The following PLA2G4A variants were observed in gnomAD, a reference collection of about 807,000 sequenced individuals.
PLA2G4A encodes the protein phospholipase A2 group IVA.
A neutral mutation model predicts 81.9 loss-of-function variants in PLA2G4A; 40 were observed. The ratio of observed to expected loss-of-function variants is 0.49; its 90% CI spans 0.38 to 0.64. The LOEUF (loss-of-function observed/expected upper bound fraction) is 0.64, where lower values mean the gene tolerates loss of function less well. Among genes scored for constraint, PLA2G4A ranks in the 30% least tolerant of loss-of-function variants. The pLI, the probability that PLA2G4A is intolerant of heterozygous loss-of-function variation, is 0.00. For missense variants in PLA2G4A, 715 were observed against 905.1 expected, an observed-to-expected ratio of 0.79 and a Z score of 2.69; for synonymous variants, 302 against 296.9, an observed-to-expected ratio of 1.02 and a Z score of -0.18.
chr1:186,895,421 C>T (rs530147093), intron 5 of PLA2G4A, among the ~76,000 whole-genome samples: 1 of 152,346 alleles, frequency 6.6e-6, no homozygotes, highest in South Asian at 2.1e-4. Context: ...GATGCACTCA[C>T]CACAATTCTG....
intron 1 of PLA2G4A, among the ~76,000 whole-genome samples, chr1:186,848,129 C>G (rs947799759): frequency 6.6e-6 from 1 of 152,080 alleles, no homozygotes; most frequent in Non-Finnish European, 1.5e-5. Context: ...AAGCCCCCAG[C>G]TGGAGTAGAG....
At chr1:186,934,463 T>TATACACAC (rs368585350) in intron 8 of PLA2G4A, among the ~76,000 whole-genome samples, 102 of 143,514 alleles carry the variant, frequency 7.1e-4, no homozygotes, top group African/African-American at 2.3e-3. Flanking sequence ...TATATATATA[T>TATACACAC]ACATACACAG....
At chr1:186,922,491 C>G (rs532163944) in intron 7 of PLA2G4A, among the ~76,000 whole-genome samples, 7 of 152,268 alleles carry the variant, frequency 4.6e-5, no homozygotes, top group Non-Finnish European at 8.8e-5. Context: ...GGGCCTGCCA[C>G]GCGCTGCTCT....
intron 2 of PLA2G4A, among the ~76,000 whole-genome samples, chr1:186,864,953 A>G (rs1165129219): frequency 1.3e-5 from 2 of 151,300 alleles, no homozygotes; most frequent in African/African-American, 4.8e-5. Context: ...AAAAACAAAA[A>G]TTAGCTGGGT....
rs139491875 is a variant in PLA2G4A, at chr1:186,907,542, G to A, written c.416+540G>A. On this transcript the variant is annotated intron_variant, in intron 6 of 17. Transcript: ENST00000367466. ...AATCATGTACTTATTTTCAAACGGC[G>A]AATTTTAGGGTAGGCAAGTCTGCCT... Among the ~76,000 whole-genome samples, 5 of 152,288 alleles carry A rather than the reference G, an allele frequency of 3.3e-5. No homozygotes were observed. In the East Asian group the frequency reaches 5.8e-4, roughly 18 times the overall value.
chr1:186,831,454 G>A (rs941448926), intron 1 of PLA2G4A, among the ~76,000 whole-genome samples: 4 of 152,026 alleles, frequency 2.6e-5, no homozygotes, highest in Admixed American at 6.6e-5. Flanking sequence ...ACAATATTAC[G>A]CTTGACATTT....
chr1:186,837,144 A>G (rs1428534959), intron 1 of PLA2G4A, among the ~76,000 whole-genome samples: 3 of 152,164 alleles, frequency 2.0e-5, no homozygotes, highest in Non-Finnish European at 4.4e-5. Flanking sequence ...GAATAAGATG[A>G]CGACGGAAAA....
chr1:186,850,463 G>T (rs905065257), intron 1 of PLA2G4A, among the ~76,000 whole-genome samples: 4 of 152,064 alleles, frequency 2.6e-5, no homozygotes, highest in African/African-American at 9.7e-5. Context: ...GAAAAATCAG[G>T]CTAGCCTGCA....
chr1:186,945,218 T>G (rs953401844), intron 10 of PLA2G4A, among the ~76,000 whole-genome samples: 1 of 152,118 alleles, frequency 6.6e-6, no homozygotes, highest in African/African-American at 2.4e-5. Flanking sequence ...GGGAATGAAC[T>G]TGACTTCTTT....
At chr1:186,872,528 T>A (rs1283961974) in intron 3 of PLA2G4A, among the ~76,000 whole-genome samples, 3 of 152,042 alleles carry the variant, frequency 2.0e-5, no homozygotes, top group Admixed American at 6.6e-5. Flanking sequence ...CCCTTTTTTT[T>A]AATCAATGAA....
At chr1:186,883,386 C>T (rs1653809514) in intron 3 of PLA2G4A, among the ~76,000 whole-genome samples, 1 of 152,088 alleles carries the variant, frequency 6.6e-6, no homozygotes, top group South Asian at 2.1e-4. Context: ...TTGTAGCTGC[C>T]ATTTAAACCT....
chr1:186,933,015 A>C (rs529201170), intron 8 of PLA2G4A, 116 bp downstream of exon 8: 5 of 791,310 alleles, frequency 6.3e-6, no homozygotes, highest in Non-Finnish European at 1.1e-5. Context: ...TAAATTACTG[A>C]AACTTTCCAG....
At chr1:186,846,067 A>C (rs1652162167) in intron 1 of PLA2G4A, among the ~76,000 whole-genome samples, 1 of 152,222 alleles carries the variant, frequency 6.6e-6, no homozygotes, top group African/African-American at 2.4e-5. Flanking sequence ...ATGAGTATTC[A>C]TGAGAGTGGT....
At chr1:186,944,723 C>T (rs1190849666) in intron 10 of PLA2G4A, among the ~76,000 whole-genome samples, 1 of 152,050 alleles carries the variant, frequency 6.6e-6, no homozygotes, top group Non-Finnish European at 1.5e-5. Context: ...TTTTCCAAAC[C>T]TTTGGTGACA....
chr1:186,870,952 T>C (rs1232478182), intron 3 of PLA2G4A, among the ~76,000 whole-genome samples: 1 of 152,206 alleles, frequency 6.6e-6, no homozygotes, highest in Non-Finnish European at 1.5e-5. Context: ...CCGAGATCAC[T>C]TGGAGTCAGA....
intron 7 of PLA2G4A, among the ~76,000 whole-genome samples, chr1:186,931,656 T>C (rs1013253362): frequency 6.6e-6 from 1 of 152,060 alleles, no homozygotes; most frequent in Non-Finnish European, 1.5e-5. Context: ...CTATATCTTA[T>C]GACTATACAA....
At chr1:186,947,875 C>G (rs1656398935) in intron 12 of PLA2G4A, among the ~76,000 whole-genome samples, 1 of 152,110 alleles carries the variant, frequency 6.6e-6, no homozygotes, top group African/African-American at 2.4e-5. Flanking sequence ...ACATTGATGA[C>G]TTTTTAAATA....
chr1:186,970,735 C>G (rs1172844277), intron 15 of PLA2G4A, among the ~76,000 whole-genome samples: 2 of 151,924 alleles, frequency 1.3e-5, no homozygotes, highest in Non-Finnish European at 2.9e-5. Context: ...GGATTTATTT[C>G]TGGGTTCTCT....
intron 3 of PLA2G4A, among the ~76,000 whole-genome samples, chr1:186,877,405 G>T (rs1174656054): frequency 1.3e-5 from 2 of 151,974 alleles, no homozygotes; most frequent in African/African-American, 4.8e-5. Flanking sequence ...CGTCATCTTT[G>T]TATGAACCAA....
Sources: allele counts gnomAD v4.1 joint callset (sites outside exome capture counted in the v4.1 genomes callset), GRCh38; gene constraint gnomAD v4.1.1; transcripts MANE v1.5; gene names NCBI Gene and HGNC (gene_info 2026-07-23, HGNC 2026-07-21).